Variants in SPIRE1 observed in about 807,000 individuals in gnomAD.
The protein encoded by SPIRE1 is protein spire homolog 1.
A neutral mutation model predicts 94.1 loss-of-function variants in SPIRE1; 40 were observed. That is an observed-to-expected ratio of 0.43 (90% CI 0.33 to 0.55). The LOEUF (loss-of-function observed/expected upper bound fraction) is 0.55. Ranked by LOEUF, SPIRE1 falls within the 20% of genes least tolerant of loss-of-function variation. The pLI is 0.06. For missense variants in SPIRE1, 838 were observed against 975.2 expected (o/e 0.86, Z 1.87); for synonymous variants, 376 against 371.7 (o/e 1.01, Z -0.13).
At chr18:12,622,298 CAAAG>C (rs1399870990) in intron 2 of SPIRE1, among the ~76,000 whole-genome samples, 1 of 151,182 alleles carries the variant, frequency 6.6e-6, no homozygotes, top group Non-Finnish European at 1.5e-5. Context: ...GTGGGAAATA[CAAAG>C]AATGTAAGAA....
intron 9 of SPIRE1, among the ~76,000 whole-genome samples, chr18:12,483,739 T>C (rs2032931104): frequency 1.3e-5 from 2 of 152,184 alleles, no homozygotes; most frequent in African/African-American, 4.8e-5. Context: ...ACACTATATG[T>C]TTACAATGTT....
intron 10 of SPIRE1, among the ~76,000 whole-genome samples, chr18:12,465,956 C>T (rs1287170470): frequency 2.0e-5 from 3 of 151,870 alleles, no homozygotes; most frequent in East Asian, 2.0e-4. Flanking sequence ...TGGTGGCACG[C>T]GCCTGTAGTC....
chr18:12,658,542 C>CG, upstream of SPIRE1: 1 of 470,586 alleles, frequency 2.1e-6, no homozygotes, highest in Non-Finnish European at 4.4e-6. Flanking sequence ...CCCTGCACAG[C>CG]GGGAGAAGTC....
intron 4 of SPIRE1, among the ~76,000 whole-genome samples, chr18:12,526,396 T>C (rs1431163391): frequency 2.0e-5 from 3 of 152,182 alleles, no homozygotes; most frequent in African/African-American, 7.2e-5. Flanking sequence ...CATGGTCCCT[T>C]TGGTGGCTTC....
chr18:12,448,619 T>C lies in SPIRE1; in HGVS notation c.*1019A>G, dbSNP rs912935337. Reference sequence around the variant, plus strand: ...TTCTTCTAACTTTAAAAGAAGTAGATATTTTTTCTTTTAAAATTCATTTAT... The same window carrying C: ...TTCTTCTAACTTTAAAAGAAGTAGACATTTTTTCTTTTAAAATTCATTTAT... On this transcript the variant is annotated 3_prime_UTR_variant, in exon 17 of 17. Coordinates refer to ENST00000409402, the MANE Select transcript of SPIRE1 (RefSeq NM_001128626.2). This position sits in a 1 kb window ranked among gnomAD's most constrained non-coding sequence, Gnocchi z 4.4. 2 of 152,204 alleles carry C rather than the reference T, an allele frequency of 1.3e-5. No homozygotes were observed. Among genetic ancestry groups the C allele is most frequent in the African/African-American group, 2.4e-5 (1 of 41,442 alleles). 9.4% of individuals were successfully genotyped at this position (152,204 alleles called of 1,614,324 possible). A position where few individuals can be genotyped will look rare whatever the true frequency, so the allele number is the denominator to read the frequency against.
intron 1 of SPIRE1, among the ~76,000 whole-genome samples, chr18:12,649,012 A>G (rs150479058): frequency 3.4e-4 from 51 of 152,204 alleles, no homozygotes; most frequent in African/African-American, 1.2e-3. Flanking sequence ...TGACAAATAT[A>G]CCACAAGAAT....
At chr18:12,533,313 T>G (rs1007296701) in intron 4 of SPIRE1, among the ~76,000 whole-genome samples, 2 of 151,394 alleles carry the variant, frequency 1.3e-5, no homozygotes, top group Non-Finnish European at 2.9e-5. Flanking sequence ...TTACTCCACC[T>G]GTCAGCTTTT....
intron 1 of SPIRE1, among the ~76,000 whole-genome samples, chr18:12,640,955 C>A (rs1024723648): frequency 1.3e-5 from 2 of 152,078 alleles, no homozygotes; most frequent in African/African-American, 4.8e-5. Flanking sequence ...ATGTGAAGAA[C>A]GTAGTGGAGA....
At position 12,600,808 on chromosome 18, in the gene SPIRE1, G is replaced by A. The variant is rs550791631; in HGVS notation, c.372+34254C>T. ...CGCCGTTTCAGTGAACTGCAGCCTC[G>A]ACCTCCTGGACTCAAAAGTGTTCCT... On this transcript the variant is annotated intron_variant, in intron 2 of 16. Transcript: ENST00000409402. Among the ~76,000 whole-genome samples, 363 of 151,696 alleles carry A rather than the reference G, an allele frequency of 2.4e-3. 3 individuals are homozygous for A. The highest frequency in any genetic ancestry group is 0.014 in the South Asian group (69 of 4,798).
intron 2 of SPIRE1, among the ~76,000 whole-genome samples, chr18:12,550,596 G>C (rs575888449): frequency 6.6e-6 from 1 of 151,892 alleles, no homozygotes; most frequent in Admixed American, 6.6e-5. Flanking sequence ...CCCTGGGCTC[G>C]AGCAATCCTC....
chr18:12,489,268 C>T (rs1167657398), intron 8 of SPIRE1, among the ~76,000 whole-genome samples: 1 of 152,186 alleles, frequency 6.6e-6, no homozygotes, highest in African/African-American at 2.4e-5. Context: ...CTTCCACTCA[C>T]CATTCAAAAA....
rs532927552 is a variant in SPIRE1 at position 12,556,856 on chromosome 18, G to C, written c.373-9952C>G. On this transcript the variant is annotated intron_variant, in intron 2 of 16. Transcript: ENST00000409402. ...ACAAAGCTTCCACAGTGTGGAAGGG[G>C]ACCCCAGCGGGTTGCCACTGCTGGC... 3.7e-4 allele frequency among the ~76,000 whole-genome samples: 56 copies of C among 152,286 alleles called. 1 individual carries two copies. The highest frequency in any genetic ancestry group is 1.2e-3 in the South Asian group (6 of 4,820).
rs1397195164 is a variant in SPIRE1, at chr18:12,658,073, G to C, written c.-207C>G. ...GAGGACACGGCTGCAGTCCCGGTCAGACAGCCGCCGGCCGGTAGCGACGCG... is the reference window on the plus strand; with the variant it reads ...GAGGACACGGCTGCAGTCCCGGTCACACAGCCGCCGGCCGGTAGCGACGCG... On this transcript the variant is annotated 5_prime_UTR_variant, in exon 1 of 17. Transcript: ENST00000409402. The C allele has an allele frequency of 2.0e-6, 2 of 992,452 alleles. No homozygotes were observed. Among genetic ancestry groups the C allele is most frequent in the African/African-American group, 1.8e-5 (1 of 57,076 alleles). 61.5% of individuals were successfully genotyped at this position (992,452 alleles called of 1,614,324 possible). A position where few individuals can be genotyped will look rare whatever the true frequency, so the allele number is the denominator to read the frequency against.
At chr18:12,623,330 T>C (rs1420554055) in intron 2 of SPIRE1, among the ~76,000 whole-genome samples, 1 of 151,958 alleles carries the variant, frequency 6.6e-6, no homozygotes, top group Non-Finnish European at 1.5e-5. Flanking sequence ...ATTTTTTGTA[T>C]TTTTAGTAGA....
At chr18:12,511,746 A>T (rs2034041178) in intron 5 of SPIRE1, among the ~76,000 whole-genome samples, 1 of 151,992 alleles carries the variant, frequency 6.6e-6, no homozygotes, top group Admixed American at 6.6e-5. Flanking sequence ...TTTTTTTGAG[A>T]CAGAGTCTCA....
At chr18:12,477,502 T>C (rs554474731) in intron 10 of SPIRE1, among the ~76,000 whole-genome samples, 4 of 152,322 alleles carry the variant, frequency 2.6e-5, no homozygotes, top group Admixed American at 6.5e-5. Flanking sequence ...ATCTAAATAT[T>C]TGAGTGTCTA....
Position 12,494,555 on chromosome 18 carries a change from C to T in SPIRE1, c.1060-1354G>A, listed in dbSNP as rs541583739. On this transcript the variant is annotated intron_variant, in intron 7 of 16. Transcript: ENST00000409402. ...GCTCAGAGAAAAAACCTCGGCCGGG[C>T]ACGGTGGCTCACGCCTGTAATCCCA... Among the ~76,000 whole-genome samples the T allele has an allele frequency of 2.3e-3, 345 of 152,008 alleles. 1 individual carries two copies. Among genetic ancestry groups the T allele is most frequent in the African/African-American group, 7.7e-3 (320 of 41,508 alleles).
At position 12,512,535 on chromosome 18, in the gene SPIRE1, C is replaced by T. The variant is rs1281369356; in HGVS notation, c.730-4G>A. 1.9e-6 allele frequency: 3 copies of T among 1,585,180 alleles called. No individual in the cohort carries two copies. Among genetic ancestry groups the T allele is most frequent in the Admixed American group, 3.4e-5 (2 of 58,892 alleles). On this transcript the variant is annotated splice_region_variant and splice_polypyrimidine_tract_variant and intron_variant, in intron 4 of 16. Coordinates refer to ENST00000409402, the MANE Select transcript of SPIRE1 (RefSeq NM_001128626.2). ...TTTCTTGAATCTTCTTAAGATTCTACAGGTTAAAATAATACAGGCATAAAC... is the reference window on the plus strand; with the variant it reads ...TTTCTTGAATCTTCTTAAGATTCTATAGGTTAAAATAATACAGGCATAAAC...
At chr18:12,460,511 G>A (rs371642633) in intron 12 of SPIRE1, among the ~76,000 whole-genome samples, 2 of 152,128 alleles carry the variant, frequency 1.3e-5, no homozygotes, top group Admixed American at 6.5e-5. Context: ...TCAGGAGTTC[G>A]AGACCAGCCT....
Sources: gnomAD v4.1 joint callset for allele counts (sites outside exome capture counted in the v4.1 genomes callset) on GRCh38, gnomAD v4.1.1 for gene constraint, Gnocchi (gnomAD v3.1) non-coding constraint, MANE v1.5 for transcripts, NCBI Gene and HGNC (gene_info 2026-07-23, HGNC 2026-07-21) for gene names.